The following LUZP2 variants were observed in gnomAD, a reference collection of about 807,000 sequenced individuals.
The protein encoded by LUZP2 is leucine zipper protein 2.
LUZP2 carries 52 observed loss-of-function variants against 51.6 expected under a neutral mutation model. That is an observed-to-expected ratio of 1.01 (90% CI 0.81 to 1.27). The LOEUF (loss-of-function observed/expected upper bound fraction) is 1.27. LUZP2 is among the 50% of genes most tolerant of loss of function. The probability of loss-of-function intolerance (pLI) is 0.00; values close to 1 mark genes in which losing one functional copy is unlikely to be tolerated. For missense variants in LUZP2, 436 were observed against 395.4 expected (o/e 1.10, Z -0.87); for synonymous variants, 154 against 137.3 (o/e 1.12, Z -0.85).
At chr11:24,511,391 T>A (rs912910514) in intron 1 of LUZP2, among the ~76,000 whole-genome samples, 1 of 151,208 alleles carries the variant, frequency 6.6e-6, no homozygotes, top group African/African-American at 2.4e-5. Flanking sequence ...GTCGCTACAA[T>A]TTTTTTAATT....
intron 5 of LUZP2, among the ~76,000 whole-genome samples, chr11:24,820,675 G>T (rs1376229344): frequency 6.6e-6 from 1 of 152,092 alleles, no homozygotes; most frequent in Admixed American, 6.5e-5. Flanking sequence ...CACTGGAAAA[G>T]GAAATATGGA....
At chr11:24,991,630 T>C (rs1380148859) in intron 9 of LUZP2, among the ~76,000 whole-genome samples, 1 of 151,914 alleles carries the variant, frequency 6.6e-6, no homozygotes, top group African/African-American at 2.4e-5. Context: ...TTTTAGTTGT[T>C]TAAGGAATTT....
intron 7 of LUZP2, among the ~76,000 whole-genome samples, chr11:24,968,946 C>A (rs927261934): frequency 2.6e-5 from 4 of 152,142 alleles, no homozygotes; most frequent in African/African-American, 9.7e-5. Flanking sequence ...GAGGGCTAGT[C>A]CAATATTGAT....
rs186433817 is a variant in LUZP2, at chr11:24,926,357, G to A, written c.522+11819G>A. Reference sequence around the variant, plus strand: ...TATATATACGTGTGTATATATATACGTGTGTATATATATATACGTGTGTAT... The same window carrying A: ...TATATATACGTGTGTATATATATACATGTGTATATATATATACGTGTGTAT... On this transcript the variant is annotated intron_variant, in intron 7 of 11. Coordinates refer to ENST00000336930, the MANE Select transcript of LUZP2 (RefSeq NM_001009909.4). 2.2e-4 allele frequency among the ~76,000 whole-genome samples: 7 copies of A among 32,414 alleles called. 1 individual carries two copies. Among genetic ancestry groups the A allele is most frequent in the African/African-American group, 7.0e-4 (5 of 7,114 alleles). The allele number at this position is 32,414 out of a possible 152,430, so 21.3% of individuals were successfully genotyped here. A position where few individuals can be genotyped will look rare whatever the true frequency, so the allele number is the denominator to read the frequency against.
intron 1 of LUZP2, among the ~76,000 whole-genome samples, chr11:24,540,437 C>T (rs1387103935): frequency 6.6e-6 from 1 of 152,026 alleles, no homozygotes; most frequent in African/African-American, 2.4e-5. Context: ...GGAGAGATTG[C>T]TTGCTCTCTC....
chr11:24,587,480 T>C (rs7941966), intron 1 of LUZP2, among the ~76,000 whole-genome samples: 148,943 of 152,212 alleles, frequency 0.98, 72,942 homozygotes, highest in East Asian at 1. Flanking sequence ...TCTTCTTAGC[T>C]TTCTGATTTT....
chr11:24,891,479 T>G (rs1164130498), intron 5 of LUZP2: 1 of 946,054 alleles, frequency 1.1e-6, no homozygotes, highest in Non-Finnish European at 1.3e-6. Flanking sequence ...AATACTTTAC[T>G]ATAAAGCTAT....
At chr11:24,499,199 A>G (rs1849916255) in intron 1 of LUZP2, among the ~76,000 whole-genome samples, 1 of 152,224 alleles carries the variant, frequency 6.6e-6, no homozygotes, top group Admixed American at 6.5e-5. Context: ...CCAGAAGAGA[A>G]TGCTGGGCTT....
chr11:24,765,511 C>A (rs1358293216), intron 5 of LUZP2, among the ~76,000 whole-genome samples: 1 of 152,078 alleles, frequency 6.6e-6, no homozygotes, highest in Non-Finnish European at 1.5e-5. Context: ...TCTATTGAGA[C>A]AACCGTATGG....
intron 1 of LUZP2, among the ~76,000 whole-genome samples, chr11:24,618,759 G>T (rs1013664844): frequency 1.3e-5 from 2 of 152,050 alleles, no homozygotes; most frequent in African/African-American, 4.8e-5. Context: ...ATATATAATG[G>T]CCAGGGCTTT....
At chr11:24,775,702 C>T (rs1848895722) in intron 5 of LUZP2, among the ~76,000 whole-genome samples, 1 of 152,140 alleles carries the variant, frequency 6.6e-6, no homozygotes, top group African/African-American at 2.4e-5. Flanking sequence ...TTAGACGTGA[C>T]TCAGTTGAAA....
At chr11:24,618,985 TG>T (rs1246642703) in intron 1 of LUZP2, among the ~76,000 whole-genome samples, 2 of 151,382 alleles carry the variant, frequency 1.3e-5, no homozygotes, top group African/African-American at 4.8e-5. Flanking sequence ...TATTTATTTT[TG>T]TAATTCTAAC....
At position 24,997,613 on chromosome 11, in the gene LUZP2, C is replaced by A. The variant is rs535963813; in HGVS notation, c.765+14320C>A. On this transcript the variant is annotated intron_variant, in intron 9 of 11. Coordinates refer to ENST00000336930, the MANE Select transcript of LUZP2 (RefSeq NM_001009909.4). Reference sequence around the variant, plus strand: ...TAGTTTCTTTTGCTGTGCAGAAGCTCTTTAGTTTAATTAGATCCCATTTGT... The same window carrying A: ...TAGTTTCTTTTGCTGTGCAGAAGCTATTTAGTTTAATTAGATCCCATTTGT... Among the ~76,000 whole-genome samples the A allele has an allele frequency of 6.3e-4, 96 of 152,076 alleles. No homozygotes were observed. In the East Asian group the frequency reaches 0.017, roughly 28 times the overall value.
intron 1 of LUZP2, among the ~76,000 whole-genome samples, chr11:24,660,804 T>G (rs1855994969): frequency 6.6e-6 from 1 of 152,270 alleles, no homozygotes; most frequent in Non-Finnish European, 1.5e-5. Flanking sequence ...AACCTTATTT[T>G]TTTTTTACTT....
intron 11 of LUZP2, 42 bp downstream of exon 11, chr11:25,077,448 T>C (rs1262160085): frequency 2.1e-6 from 2 of 971,946 alleles, no homozygotes; most frequent in Non-Finnish European, 3.1e-6. Flanking sequence ...AAAGCATTTA[T>C]TGGATCCATT....
At chr11:24,870,363 A>G (rs991866348) in intron 5 of LUZP2, among the ~76,000 whole-genome samples, 17 of 152,152 alleles carry the variant, frequency 1.1e-4, no homozygotes, top group African/African-American at 4.1e-4. Context: ...AATCCTAAGT[A>G]TTGTTTCTCT....
chr11:24,624,401 T>C (rs1854607883), intron 1 of LUZP2, among the ~76,000 whole-genome samples: 1 of 152,100 alleles, frequency 6.6e-6, no homozygotes, highest in Admixed American at 6.5e-5. Context: ...TAAAATGAAA[T>C]AAAACTCTTA....
chr11:24,893,417 C>T (rs976378570), intron 5 of LUZP2: 1 of 152,020 alleles, frequency 6.6e-6, no homozygotes, highest in East Asian at 1.9e-4. Flanking sequence ...TATTTCTATA[C>T]ACATGCACAC....
chr11:24,553,210 C>A (rs1243646149), intron 1 of LUZP2, among the ~76,000 whole-genome samples: 1 of 151,326 alleles, frequency 6.6e-6, no homozygotes. Flanking sequence ...ATTCAAAACA[C>A]AAGAAGGAAG....
Sources: gnomAD v4.1 joint callset for allele counts (sites outside exome capture counted in the v4.1 genomes callset) on GRCh38, gnomAD v4.1.1 for gene constraint, MANE v1.5 for transcripts, NCBI Gene and HGNC (gene_info 2026-07-23, HGNC 2026-07-21) for gene names.